DSCAM: variants seen among roughly 807,000 people sequenced by gnomAD.
DSCAM encodes the protein cell adhesion molecule DSCAM.
DSCAM carries 47 observed loss-of-function variants against 217.7 expected under a neutral mutation model. That is an observed-to-expected ratio of 0.22 (90% CI 0.17 to 0.28). The LOEUF (loss-of-function observed/expected upper bound fraction) is 0.28. DSCAM is among the 10% of genes least tolerant of loss of function. DSCAM has a pLI of 1.00. For synonymous variants in DSCAM, 1,056 were observed against 1,015.3 expected (o/e 1.04, Z -0.76); for missense variants, 2,080 against 2,618.3 (o/e 0.79, Z 4.49).
At chr21:40,751,528 C>G (rs2837805) in intron 1 of DSCAM, among the ~76,000 whole-genome samples, 44,789 of 152,088 alleles carry the variant, frequency 0.29, 7,728 homozygotes, top group East Asian at 0.41. Context: ...ATGTGGAGAA[C>G]AAAGCTAGTC....
At chr21:40,676,240 C>A (rs998222347) in intron 3 of DSCAM, among the ~76,000 whole-genome samples, 2 of 151,986 alleles carry the variant, frequency 1.3e-5, no homozygotes, top group African/African-American at 4.8e-5. Context: ...CTTATGTCAA[C>A]AAGTCAAAGC....
chr21:40,709,021 T>C (rs2090748389), intron 1 of DSCAM, among the ~76,000 whole-genome samples: 1 of 152,324 alleles, frequency 6.6e-6, no homozygotes. Flanking sequence ...TTTTAATAGA[T>C]TGTTTTTTTG....
chr21:40,616,442 G>A (rs143511150), intron 3 of DSCAM, among the ~76,000 whole-genome samples: 80 of 152,304 alleles, frequency 5.3e-4, no homozygotes, highest in Non-Finnish European at 6.9e-4. Flanking sequence ...ATAGGTGCCT[G>A]TGTGACCAGC....
chr21:40,133,102 T>C (rs2090170429), intron 19 of DSCAM, among the ~76,000 whole-genome samples: 1 of 152,260 alleles, frequency 6.6e-6, no homozygotes, highest in Non-Finnish European at 1.5e-5. Context: ...CAGTTGCTCC[T>C]TCCTTTATTA....
At position 40,187,144 on chromosome 21, in the gene DSCAM, G is replaced by A. The variant is rs777751714; in HGVS notation, c.2766C>T (p.Cys922=). 3 of 1,613,164 alleles carry A rather than the reference G, an allele frequency of 1.9e-6. No individual in the cohort carries two copies. In the South Asian group the frequency reaches 3.3e-5, roughly 18 times the overall value. ...NSPITGYDIE[C]KNKSDSWDSA... is the part of the protein sequence containing the mutation. The stretch of plus-strand genomic sequence containing the variant: ...TAAAGAACTTACCTGATTTATTTTT[G>A]CATTCAATATCGTAGCCTGTGATGG... Residue 922 remains cysteine, a synonymous_variant, in exon 14 of 33, where the codon TGC becomes TGT. Coordinates refer to ENST00000400454, the MANE Select transcript of DSCAM (RefSeq NM_001389.5).
chr21:40,369,017 C>G, intron 4 of DSCAM, 82 bp downstream of exon 4: 2 of 1,403,150 alleles, frequency 1.4e-6, no homozygotes, highest in South Asian at 2.0e-5. Flanking sequence ...AGTGGCAACA[C>G]TCCACAATTT....
chr21:40,731,734 C>A lies in DSCAM; in HGVS notation c.44-22963G>T, dbSNP rs1047519535. Among the ~76,000 whole-genome samples, 66 of 124,354 alleles carry A rather than the reference C, an allele frequency of 5.3e-4. 3 individuals are homozygous for A. Among genetic ancestry groups the A allele is most frequent in the East Asian group, 3.0e-4 (1 of 3,370 alleles). The allele number at this position is 124,354 out of a possible 152,430, so 81.6% of individuals were successfully genotyped here. ...ATTACCTCCTTCCCACTGCACCCCC[C>A]CCCCCGCCCCCCGGGTGAGAGTCTT... On this transcript the variant is annotated intron_variant, in intron 1 of 32. Transcript: ENST00000400454.
intron 16 of DSCAM, among the ~76,000 whole-genome samples, chr21:40,153,851 T>G (rs116304176): frequency 2.6e-4 from 40 of 152,270 alleles, no homozygotes; most frequent in African/African-American, 9.4e-4. Flanking sequence ...GGAGAGACTA[T>G]TTAGTTAAAA....
At chr21:40,189,758 A>G (rs2090935479) in intron 11 of DSCAM, among the ~76,000 whole-genome samples, 1 of 152,118 alleles carries the variant, frequency 6.6e-6, no homozygotes, top group Non-Finnish European at 1.5e-5. Context: ...ACCATGTAGG[A>G]TGTGACTTGC....
At chr21:40,439,726 G>A (rs1265845646) in intron 3 of DSCAM, among the ~76,000 whole-genome samples, 1 of 152,216 alleles carries the variant, frequency 6.6e-6, no homozygotes, top group Non-Finnish European at 1.5e-5. Flanking sequence ...TGGCAGGCAA[G>A]GAGGAGCAAG....
chr21:40,423,605 T>C (rs554379869), intron 3 of DSCAM, among the ~76,000 whole-genome samples: 32 of 152,340 alleles, frequency 2.1e-4, no homozygotes, highest in African/African-American at 7.5e-4. Context: ...CTTTCTTTCC[T>C]GTTCTAAAGC....
intron 3 of DSCAM, among the ~76,000 whole-genome samples, chr21:40,446,055 G>A (rs1054105422): frequency 3.3e-5 from 5 of 152,154 alleles, no homozygotes; most frequent in African/African-American, 4.8e-5. Context: ...GGAAACAAAG[G>A]TTTAAGAGGA....
intron 1 of DSCAM, among the ~76,000 whole-genome samples, chr21:40,736,829 T>C (rs1424173486): frequency 1.3e-5 from 2 of 152,228 alleles, no homozygotes; most frequent in African/African-American, 4.8e-5. Flanking sequence ...TGCACCAAGT[T>C]ATTCTTTTTA....
At chr21:40,342,126 AT>A (rs1392232505) in intron 6 of DSCAM, among the ~76,000 whole-genome samples, 9 of 152,090 alleles carry the variant, frequency 5.9e-5, no homozygotes, top group Non-Finnish European at 1.0e-4. Context: ...GGCCATTGTT[AT>A]ATTAGACTGT....
At chr21:40,724,596 G>A (rs760783765) in intron 1 of DSCAM, among the ~76,000 whole-genome samples, 6 of 152,122 alleles carry the variant, frequency 3.9e-5, no homozygotes, top group Non-Finnish European at 7.4e-5. Context: ...TCAAAGGGAA[G>A]GGGAGGAGGA....
chr21:40,753,076 A>G (rs539700605), intron 1 of DSCAM, among the ~76,000 whole-genome samples: 4 of 152,238 alleles, frequency 2.6e-5, no homozygotes, highest in Non-Finnish European at 5.9e-5. Context: ...TTCTTCTAAC[A>G]CCTCAATGCC....
At chr21:40,171,652 C>T (rs1236566645) in intron 15 of DSCAM, among the ~76,000 whole-genome samples, 3 of 151,334 alleles carry the variant, frequency 2.0e-5, no homozygotes, top group African/African-American at 7.3e-5. Flanking sequence ...GGGCTATGTC[C>T]AATATCATTA....
intron 8 of DSCAM, among the ~76,000 whole-genome samples, chr21:40,315,544 T>C (rs1475438770): frequency 6.6e-6 from 1 of 152,164 alleles, no homozygotes; most frequent in Non-Finnish European, 1.5e-5. Context: ...AAGAGGTAGC[T>C]ATAGAAGAAT....
intron 3 of DSCAM, among the ~76,000 whole-genome samples, chr21:40,665,014 C>T (rs531928062): frequency 2.3e-4 from 35 of 152,252 alleles, no homozygotes; most frequent in African/African-American, 7.7e-4. Context: ...GTGTGGTGTG[C>T]GTGCTCCTGC....
Sources: allele counts gnomAD v4.1 joint callset (sites outside exome capture counted in the v4.1 genomes callset), GRCh38; gene constraint gnomAD v4.1.1; transcripts MANE v1.5; gene names NCBI Gene and HGNC (gene_info 2026-07-23, HGNC 2026-07-21).